The following UTP15 variants were observed in gnomAD, a reference collection of about 807,000 sequenced individuals.
UTP15 encodes UTP15 small subunit processome component, also known as U3 small nucleolar RNA-associated protein 15 homolog.
UTP15 carries 5 observed loss-of-function variants against 59.1 expected under a neutral mutation model. That is an observed-to-expected ratio of 0.08 (90% CI 0.04 to 0.18). The LOEUF (loss-of-function observed/expected upper bound fraction) is 0.18. Among genes scored for constraint, UTP15 ranks in the 10% least tolerant of loss-of-function variants. The probability of loss-of-function intolerance (pLI) is 1.00; values close to 1 mark genes in which losing one functional copy is unlikely to be tolerated. For synonymous variants in UTP15, 211 were observed against 212.2 expected, an observed-to-expected ratio of 0.99 and a Z score of 0.05; for missense variants, 494 against 616.7, an observed-to-expected ratio of 0.80 and a Z score of 2.11.
intron 7 of UTP15, among the ~76,000 whole-genome samples, chr5:73,575,789 C>T (rs1204367288): frequency 6.7e-6 from 1 of 149,518 alleles, no homozygotes; most frequent in East Asian, 2.0e-4. Context: ...ATGGCGCGGT[C>T]TCGGCTCACC....
Position 73,565,931 on chromosome 5 carries a change from C to T in UTP15, c.-84+19C>T. ...AGTGGAGGTAGGTGAAGGCGGCTCC[C>T]ATTGAGGGAAGCCCACACTCACACC... On this transcript the variant is annotated intron_variant, in intron 1 of 12. Coordinates refer to ENST00000296792, the MANE Select transcript of UTP15 (RefSeq NM_032175.4). 1 of 455,516 alleles carries T rather than the reference C, an allele frequency of 2.2e-6. No individual in the cohort carries two copies. The highest frequency in any genetic ancestry group is 4.4e-6 in the Non-Finnish European group (1 of 226,578). 28.2% of individuals were successfully genotyped at this position (455,516 alleles called of 1,614,324 possible).
At position 73,580,720 on chromosome 5, in the gene UTP15, G is replaced by A. The variant is rs1446981763; in HGVS notation, c.*626G>A. 2.0e-5 allele frequency: 3 copies of A among 152,158 alleles called. No individual in the cohort carries two copies. The highest frequency in any genetic ancestry group is 4.4e-5 in the Non-Finnish European group (3 of 68,046). 9.4% of individuals were successfully genotyped at this position (152,158 alleles called of 1,614,324 possible). ...CACTAGCTAGATTTGTATTCAGAGT[G>A]TGAGAGCAAGCTCTACAGATAGACC... On this transcript the variant is annotated 3_prime_UTR_variant, in exon 13 of 13. Transcript: ENST00000296792.
chr5:73,568,312 C>T lies in UTP15; in HGVS notation c.168C>T (p.Val56=), dbSNP rs759042383. Residue 56 remains valine (V), a synonymous_variant, in exon 3 of 13, where the codon GTC becomes GTT. Coordinates refer to ENST00000296792, the MANE Select transcript of UTP15 (RefSeq NM_032175.4). ...CTCAGCCTCCATATAATTATGCTGT[C>T]ACAGCTTCCTCAAGAGTAAGTATAA... is the stretch of plus-strand genomic sequence containing the variant. The part of the protein sequence containing the change: ...FSPQPPYNYA[V]TASSRIHIYG... 1.2e-6 allele frequency: 2 copies of T among 1,608,880 alleles called. No homozygotes were observed. The highest frequency in any genetic ancestry group is 1.7e-6 in the Non-Finnish European group (2 of 1,178,250).
At chr5:73,579,708 A>G (rs913107068) in intron 12 of UTP15, among the ~76,000 whole-genome samples, 169 bp from the exon 13 acceptor site, 4 of 152,144 alleles carry the variant, frequency 2.6e-5, no homozygotes, top group African/African-American at 9.7e-5. Flanking sequence ...AAATTAATTT[A>G]CTCAGAGGGA....
rs958882657 is a variant in UTP15 at position 73,568,271 on chromosome 5, A to G, written c.127A>G (p.Lys43Glu). The stretch of plus-strand genomic sequence containing the variant: ...GATTAAGGAATTTGGTGCAGTTTCA[A>G]AAGTAGACTTTTCTCCTCAGCCTCC... ...VQIKEFGAVS[K>E]VDFSPQPPYN... Residue 43 changes from lysine to glutamate, a missense_variant, in exon 3 of 13, where the codon AAA (lysine) becomes GAA (glutamate). Physicochemically the swap from Lys to Glu is moderately conservative, Grantham distance 56. Transcript: ENST00000296792. The G allele has an allele frequency of 3.1e-6, 5 of 1,611,164 alleles. No homozygotes were observed. The highest frequency in any genetic ancestry group is 4.2e-6 in the Non-Finnish European group (5 of 1,179,294).
intron 1 of UTP15, 68 bp downstream of exon 1, chr5:73,565,980 A>G (rs2112033254): frequency 2.3e-6 from 1 of 435,782 alleles, no homozygotes; most frequent in East Asian, 7.0e-5. Flanking sequence ...TTAATCTGGC[A>G]TGCTCTTCTG....
intron 11 of UTP15, 31 bp from the exon 12 acceptor site, chr5:73,579,286 A>G (rs748825851): frequency 5.4e-5 from 86 of 1,598,964 alleles, no homozygotes; most frequent in Non-Finnish European, 7.2e-5. Flanking sequence ...TAAGTTTACA[A>G]GTTTCACTAA....
At position 73,581,376 on chromosome 5, in the gene UTP15, G is replaced by A. The variant is rs1051093757; in HGVS notation, c.*1282G>A. 1 of 152,126 alleles carries A rather than the reference G, an allele frequency of 6.6e-6. No homozygotes were observed. The highest frequency in any genetic ancestry group is 2.1e-4 in the South Asian group (1 of 4,826). 9.4% of individuals were successfully genotyped at this position (152,126 alleles called of 1,614,324 possible). On this transcript the variant is annotated 3_prime_UTR_variant, in exon 13 of 13. Transcript: ENST00000296792. ...TGTAACTATTATTTTTTTATAAAGA[G>A]AGATTCTTATTTTCTTGGCTTTTTG...
rs368841442 is a variant in UTP15, at chr5:73,578,002, A to G, written c.1041A>G (p.Gln347=). ...TTAAAGGAAAAAATTACATGAAGCA[A>G]CGGGTATTTGTGCATTTCTCATATT... ...TFIKGKNYMK[Q]RDDILINRPA... The change falls in exon 9 of 13, where the codon CAA becomes CAG. Residue 347 remains glutamine (Q), a synonymous_variant. Coordinates refer to ENST00000296792, the MANE Select transcript of UTP15 (RefSeq NM_032175.4). The G allele has an allele frequency of 2.5e-4, 402 of 1,584,116 alleles. No homozygotes were observed. Among genetic ancestry groups the G allele is most frequent in the Non-Finnish European group, 3.3e-4 (388 of 1,171,392 alleles).
intron 2 of UTP15, 21 bp downstream of exon 2, chr5:73,567,455 G>A: frequency 6.5e-7 from 1 of 1,549,774 alleles, no homozygotes. Context: ...GACGTAATGA[G>A]GGAGAAGGGA....
chr5:73,567,453 GA>G lies in UTP15; in HGVS notation c.90+20del. 10 of 1,558,642 alleles carry G rather than the reference GA, an allele frequency of 6.4e-6. No individual in the cohort carries two copies. The highest frequency in any genetic ancestry group is 8.7e-6 in the Non-Finnish European group (10 of 1,145,908). On this transcript the variant is annotated intron_variant, in intron 2 of 12. Coordinates refer to ENST00000296792, the MANE Select transcript of UTP15 (RefSeq NM_032175.4). ...CTATAAGGTGAGTGTGGGACGTAATGAGGGAGAAGGGATTTGTGTTTATGCC... is the reference window on the plus strand; with the variant it reads ...CTATAAGGTGAGTGTGGGACGTAATGGGGAGAAGGGATTTGTGTTTATGCC...
At chr5:73,577,192 A>G (rs1222198854) in intron 8 of UTP15, among the ~76,000 whole-genome samples, 156 bp downstream of exon 8, 11 of 152,224 alleles carry the variant, frequency 7.2e-5, no homozygotes, top group Non-Finnish European at 1.2e-4. Flanking sequence ...AACTCGTCCT[A>G]TTGACTCAGC....
Position 73,573,248 on chromosome 5 carries a change from GT to G in UTP15, c.809+641del, listed in dbSNP as rs775316960. On this transcript the variant is annotated intron_variant, in intron 7 of 12. Coordinates refer to ENST00000296792, the MANE Select transcript of UTP15 (RefSeq NM_032175.4). ...TTATTGTACATTCATATATTTTGAA[GT>G]TTTTTTTTTTTTTTTTGAGACAGAG... Among the ~76,000 whole-genome samples the G allele has an allele frequency of 8.9e-4, 120 of 135,436 alleles. 1 individual carries two copies. The highest frequency in any genetic ancestry group is 5.7e-3 in the East Asian group (27 of 4,726). The allele number at this position is 135,436 out of a possible 152,430, so 88.9% of individuals were successfully genotyped here.
chr5:73,578,458 A>T (rs1039385925), intron 9 of UTP15: 2 of 336,958 alleles, frequency 5.9e-6, no homozygotes, highest in South Asian at 3.9e-5. Flanking sequence ...TGCCTGCCAC[A>T]TAAAGAGAAT....
intron 9 of UTP15, 70 bp downstream of exon 9, chr5:73,578,075 A>G (rs1031203945): frequency 1.0e-5 from 15 of 1,496,422 alleles, no homozygotes; most frequent in African/African-American, 1.4e-5. Flanking sequence ...ATCCCTGCAC[A>G]TTACTGGAAA....
Position 73,581,945 on chromosome 5 carries a change from A to G in UTP15, c.*1851A>G, listed in dbSNP as rs1273865876. ...GGTTGAGAAGAGTTCATTTATTTAA[A>G]TAAAGTTTCTATTTAAAAACCTTTT... On this transcript the variant is annotated 3_prime_UTR_variant, in exon 13 of 13. Coordinates refer to ENST00000296792, the MANE Select transcript of UTP15 (RefSeq NM_032175.4). 1 of 152,198 alleles carries G rather than the reference A, an allele frequency of 6.6e-6. No individual in the cohort carries two copies. Among genetic ancestry groups the G allele is most frequent in the Admixed American group, 6.5e-5 (1 of 15,272 alleles). The allele number at this position is 152,198 out of a possible 1,614,324, so 9.4% of individuals were successfully genotyped here.
At chr5:73,572,946 C>T (rs114104028) in intron 7 of UTP15, among the ~76,000 whole-genome samples, 5,411 of 152,004 alleles carry the variant, frequency 0.036, 363 homozygotes, top group African/African-American at 0.12. Flanking sequence ...AACAGGCACG[C>T]GCCACAATGC....
chr5:73,578,442 C>A (rs942436806), intron 9 of UTP15: 19 of 323,464 alleles, frequency 5.9e-5, no homozygotes, highest in Admixed American at 3.2e-4. Flanking sequence ...TTCTACTGTA[C>A]CACACTGCCT....
intron 10 of UTP15, 25 bp from the exon 11 acceptor site, chr5:73,578,992 A>T: frequency 6.2e-7 from 1 of 1,602,308 alleles, no homozygotes; most frequent in Admixed American, 1.7e-5. Flanking sequence ...TTGTCTACTC[A>T]TGTTGACTTT....
Sources: allele counts gnomAD v4.1 joint callset (sites outside exome capture counted in the v4.1 genomes callset), GRCh38; gene constraint gnomAD v4.1.1; transcripts MANE v1.5; gene names NCBI Gene and HGNC (gene_info 2026-07-23, HGNC 2026-07-21).